ATP8A1: variants seen among roughly 807,000 people sequenced by gnomAD.
The protein encoded by ATP8A1 is phospholipid-transporting ATPase IA.
A neutral mutation model predicts 177.7 loss-of-function variants in ATP8A1; 90 were observed. The ratio of observed to expected loss-of-function variants is 0.51; its 90% CI spans 0.43 to 0.60. The LOEUF (loss-of-function observed/expected upper bound fraction) is 0.60. ATP8A1 is among the 20% of genes least tolerant of loss of function. The pLI, the probability that ATP8A1 is intolerant of heterozygous loss-of-function variation, is 0.00. For synonymous variants in ATP8A1, 493 were observed against 485.9 expected (o/e 1.01, Z -0.19); for missense variants, 1,072 against 1,392.8 (o/e 0.77, Z 3.67).
At chr4:42,512,714 C>G (rs903705637) in intron 22 of ATP8A1, among the ~76,000 whole-genome samples, 5 of 152,180 alleles carry the variant, frequency 3.3e-5, no homozygotes, top group Admixed American at 6.5e-5. Flanking sequence ...GCTTTTCAAA[C>G]TTTAATTTTC....
chr4:42,453,797 A>G (rs1718191697), intron 29 of ATP8A1, among the ~76,000 whole-genome samples: 1 of 152,174 alleles, frequency 6.6e-6, no homozygotes, highest in East Asian at 1.9e-4. Flanking sequence ...GGTGAGAATT[A>G]TTGTTAGTAT....
At chr4:42,591,035 C>A in intron 6 of ATP8A1, 151 bp from the exon 7 acceptor site, 1 of 674,954 alleles carries the variant, frequency 1.5e-6, no homozygotes, top group Non-Finnish European at 2.5e-6. Context: ...CAATTTTTTT[C>A]AAAACTTATT....
chr4:42,597,449 A>G (rs570746923), intron 6 of ATP8A1, among the ~76,000 whole-genome samples: 2 of 152,148 alleles, frequency 1.3e-5, no homozygotes, highest in Non-Finnish European at 2.9e-5. Flanking sequence ...ATTATATCTT[A>G]TGATACAGGA....
At chr4:42,560,140 T>C (rs1730661229) in intron 15 of ATP8A1, among the ~76,000 whole-genome samples, 1 of 152,222 alleles carries the variant, frequency 6.6e-6, no homozygotes, top group Non-Finnish European at 1.5e-5. Flanking sequence ...AGAGATGCAC[T>C]GTCAAATGAA....
At chr4:42,569,659 C>T (rs1007579430) in intron 14 of ATP8A1, among the ~76,000 whole-genome samples, 10 of 152,120 alleles carry the variant, frequency 6.6e-5, no homozygotes, top group East Asian at 5.8e-4. Flanking sequence ...TTGGCTACCA[C>T]GAGATGATGG....
chr4:42,413,165 G>A, intron 36 of ATP8A1, 152 bp from the exon 37 acceptor site: 1 of 629,712 alleles, frequency 1.6e-6, no homozygotes, highest in Non-Finnish European at 2.8e-6. Flanking sequence ...GCCTAGAAAA[G>A]ATACAGACTT....
intron 1 of ATP8A1, among the ~76,000 whole-genome samples, chr4:42,630,174 C>T (rs940298481): frequency 6.6e-6 from 1 of 152,148 alleles, no homozygotes; most frequent in African/African-American, 2.4e-5. Context: ...AATGCCTAAG[C>T]TGAGCTATTA....
intron 4 of ATP8A1, among the ~76,000 whole-genome samples, chr4:42,619,394 C>G (rs1417190972): frequency 6.6e-6 from 1 of 152,078 alleles, no homozygotes; most frequent in Non-Finnish European, 1.5e-5. Context: ...ATCACAGGAA[C>G]TAGCATTTAG....
At chr4:42,560,655 C>T (rs1039845808) in intron 15 of ATP8A1, among the ~76,000 whole-genome samples, 1 of 151,674 alleles carries the variant, frequency 6.6e-6, no homozygotes, top group Non-Finnish European at 1.5e-5. Flanking sequence ...CTTAAGCAAG[C>T]AGAATGACAA....
chr4:42,625,161 A>C (rs1259241047), intron 3 of ATP8A1: 4 of 152,598 alleles, frequency 2.6e-5, no homozygotes, highest in African/African-American at 9.7e-5. Flanking sequence ...GTGGTGTTTT[A>C]AAAATTTTTT....
chr4:42,446,017 C>T (rs1296439195), intron 31 of ATP8A1, among the ~76,000 whole-genome samples: 1 of 141,046 alleles, frequency 7.1e-6, no homozygotes, highest in Admixed American at 7.7e-5. Context: ...GAGGCAGAGG[C>T]TGCAGTGAGC....
chr4:42,437,305 A>G (rs1302447036), intron 33 of ATP8A1, among the ~76,000 whole-genome samples: 2 of 152,232 alleles, frequency 1.3e-5, no homozygotes, highest in Non-Finnish European at 2.9e-5. Flanking sequence ...TTCAAAAAAT[A>G]CTCAGTAACA....
chr4:42,413,024 AT>A lies in ATP8A1; in HGVS notation c.3398-12del. On this transcript the variant is annotated splice_polypyrimidine_tract_variant and intron_variant, in intron 36 of 36. Transcript: ENST00000381668. Reference sequence around the variant, plus strand: ...AGAACGCATACCCATCTGTAGGTTAATGATAAAACAGAAATTCTCACAAAGG... The same window carrying A: ...AGAACGCATACCCATCTGTAGGTTAAGATAAAACAGAAATTCTCACAAAGG... 6.2e-7 allele frequency: 1 copy of A among 1,609,560 alleles called. No individual in the cohort carries two copies. Among genetic ancestry groups the A allele is most frequent in the African/African-American group, 1.3e-5 (1 of 74,924 alleles).
At chr4:42,430,966 T>G (rs1006212230) in intron 33 of ATP8A1, among the ~76,000 whole-genome samples, 2 of 151,186 alleles carry the variant, frequency 1.3e-5, no homozygotes, top group African/African-American at 4.9e-5. Context: ...TCCTCTCCCC[T>G]GCACTCAAGT....
rs147265937 is a variant in ATP8A1, at chr4:42,543,206, T to A, written c.1722+711A>T. ...AAATAATAGGCTTGAGCTTCTTAAG[T>A]TCAATTTCCGAGTTTCTATGAGACA... On this transcript the variant is annotated intron_variant, in intron 20 of 36. Transcript: ENST00000381668. Among the ~76,000 whole-genome samples, 52 of 152,288 alleles carry A rather than the reference T, an allele frequency of 3.4e-4. No homozygotes were observed. In the East Asian group the frequency reaches 9.1e-3, roughly 27 times the overall value.
rs562938062 is a variant in ATP8A1, at chr4:42,602,325, C to T, written c.410-1807G>A. On this transcript the variant is annotated intron_variant, in intron 5 of 36. Transcript: ENST00000381668. ...ACCCAAACTGATCCCAGGAGTAAAT[C>T]CCCTGCTCGATGTTGCTCATGGAGC... 5.9e-5 allele frequency among the ~76,000 whole-genome samples: 9 copies of T among 152,292 alleles called. No individual in the cohort carries two copies. The South Asian group carries it at 1.7e-3, about 28-fold the overall frequency.
chr4:42,571,276 C>G (rs976364022), intron 14 of ATP8A1, among the ~76,000 whole-genome samples: 59 of 152,084 alleles, frequency 3.9e-4, no homozygotes, highest in Admixed American at 3.9e-3. Flanking sequence ...GTTATTCACA[C>G]AGTATATTCA....
intron 20 of ATP8A1, among the ~76,000 whole-genome samples, chr4:42,529,076 A>G (rs2153200850): frequency 6.6e-6 from 1 of 152,260 alleles, no homozygotes; most frequent in African/African-American, 2.4e-5. Context: ...TGGCCCATTT[A>G]TCAAGTGACC....
At chr4:42,614,817 T>C (rs1318393990) in intron 5 of ATP8A1, among the ~76,000 whole-genome samples, 1 of 152,182 alleles carries the variant, frequency 6.6e-6, no homozygotes, top group Non-Finnish European at 1.5e-5. Flanking sequence ...GAAAAACCCC[T>C]CTTCCTCCTT....
Sources: gnomAD v4.1 joint callset for allele counts (sites outside exome capture counted in the v4.1 genomes callset) on GRCh38, gnomAD v4.1.1 for gene constraint, MANE v1.5 for transcripts, NCBI Gene and HGNC (gene_info 2026-07-23, HGNC 2026-07-21) for gene names.